The following TRPM3 variants were observed in gnomAD, a reference collection of about 807,000 sequenced individuals.
TRPM3 encodes transient receptor potential cation channel subfamily M member 3.
TRPM3 carries 77 observed loss-of-function variants against 181.2 expected under a neutral mutation model. The observed-to-expected ratio is 0.42, with a 90% CI of 0.35 to 0.51. The LOEUF is 0.51. TRPM3 is among the 20% of genes least tolerant of loss of function. TRPM3 has a pLI of 0.01. For missense variants in TRPM3, 1,759 were observed against 2,196.7 expected (o/e 0.80, Z 3.98); for synonymous variants, 745 against 796.4 (o/e 0.94, Z 1.09).
At chr9:71,092,883 G>A (rs1462196615) in intron 1 of TRPM3, among the ~76,000 whole-genome samples, 1 of 152,024 alleles carries the variant, frequency 6.6e-6, no homozygotes, top group Non-Finnish European at 1.5e-5. Context: ...GCATGGTACT[G>A]GTACCAAAAC....
At chr9:70,603,545 G>A in intron 19 of TRPM3, 75 bp from the exon 20 acceptor site, 2 of 1,533,424 alleles carry the variant, frequency 1.3e-6, no homozygotes, top group Non-Finnish European at 1.8e-6. Flanking sequence ...CCACTGCACA[G>A]CAGCACAGAG....
intron 1 of TRPM3, among the ~76,000 whole-genome samples, chr9:70,975,471 C>G (rs2097293729): frequency 6.6e-6 from 1 of 152,168 alleles, no homozygotes; most frequent in Admixed American, 6.5e-5. Context: ...ATATTTTATT[C>G]ATATCAGTAG....
At chr9:71,300,273 T>C (rs542562137) in intron 1 of TRPM3, among the ~76,000 whole-genome samples, 1 of 152,204 alleles carries the variant, frequency 6.6e-6, no homozygotes, top group African/African-American at 2.4e-5. Flanking sequence ...TCAAAATGCA[T>C]GAATCTGCAA....
intron 6 of TRPM3, among the ~76,000 whole-genome samples, chr9:70,811,676 C>A (rs949481748): frequency 5.9e-5 from 9 of 152,096 alleles, no homozygotes; most frequent in African/African-American, 2.2e-4. Flanking sequence ...GAATTGAATT[C>A]TTTCCTTCCC....
intron 1 of TRPM3, among the ~76,000 whole-genome samples, chr9:70,871,305 C>T (rs2095785820): frequency 6.6e-6 from 1 of 151,986 alleles, no homozygotes. Context: ...TCCTTCTTCA[C>T]TAGATACTAC....
chr9:70,569,132 T>C (rs910420420), intron 22 of TRPM3, among the ~76,000 whole-genome samples: 6 of 152,202 alleles, frequency 3.9e-5, no homozygotes, highest in East Asian at 1.9e-4. Context: ...ATCATTTATA[T>C]TGTGTTGGAT....
At chr9:70,560,803 G>A (rs192499412) in intron 22 of TRPM3, among the ~76,000 whole-genome samples, 1 of 152,216 alleles carries the variant, frequency 6.6e-6, no homozygotes, top group African/African-American at 2.4e-5. Flanking sequence ...CAGTTTAAAA[G>A]TTCAGAGGGT....
intron 3 of TRPM3, among the ~76,000 whole-genome samples, chr9:70,858,399 G>A (rs2095440215): frequency 6.6e-6 from 1 of 152,098 alleles, no homozygotes; most frequent in Middle Eastern, 3.2e-3. Context: ...AGGATAAGAG[G>A]TAAAGAAGGA....
rs568775907 is a variant in TRPM3, at chr9:71,306,797, CT to C, written c.183+139855del. ...ACTGAGGCAGGAGAATCGCTTGAAC[CT>C]GGGGGTGGAGATTGCAGTGAGCCGA... is the stretch of plus-strand genomic sequence containing the variant. On this transcript the variant is annotated intron_variant, in intron 1 of 24. Transcript: ENST00000357533. Among the ~76,000 whole-genome samples the C allele has an allele frequency of 2.0e-3, 299 of 152,294 alleles. 1 individual carries two copies. The highest frequency in any genetic ancestry group is 6.8e-3 in the African/African-American group (284 of 41,562).
intron 22 of TRPM3, among the ~76,000 whole-genome samples, chr9:70,558,280 C>A (rs368497574): frequency 6.6e-6 from 1 of 152,132 alleles, no homozygotes; most frequent in Non-Finnish European, 1.5e-5. Context: ...CCATGCGATT[C>A]TTTTTCTTAA....
At chr9:71,021,565 T>C (rs1306284780) in intron 1 of TRPM3, among the ~76,000 whole-genome samples, 1 of 152,236 alleles carries the variant, frequency 6.6e-6, no homozygotes, top group African/African-American at 2.4e-5. Flanking sequence ...TTTAAAAATC[T>C]AGTAATGTCT....
chr9:71,136,615 C>G (rs1439964658), intron 1 of TRPM3, among the ~76,000 whole-genome samples: 4 of 152,180 alleles, frequency 2.6e-5, no homozygotes, highest in Non-Finnish European at 4.4e-5. Context: ...TACTACAGAA[C>G]AGGGACCAGG....
In TRPM3 at chr9:71,121,469, C is replaced by T. The variant is rs1177643470; in HGVS notation, c.-115G>A. 4.8e-6 allele frequency: 7 copies of T among 1,452,638 alleles called. No individual in the cohort carries two copies. The highest frequency in any genetic ancestry group is 6.3e-6 in the Non-Finnish European group (7 of 1,106,854). The allele number at this position is 1,452,638 out of a possible 1,614,324, so 90.0% of individuals were successfully genotyped here. ...TGAACCTTCTTAAAACAGCCACCTC[C>T]CCTCTCTCTGCAGCCGTGCTCATGC... is the stretch of plus-strand genomic sequence containing the variant. On this transcript the variant is annotated 5_prime_UTR_variant, in exon 1 of 26. Transcript: ENST00000677713.
chr9:71,292,144 AT>A (rs2085866552), intron 1 of TRPM3, among the ~76,000 whole-genome samples: 1 of 152,058 alleles, frequency 6.6e-6, no homozygotes, highest in Non-Finnish European at 1.5e-5. Context: ...ATGAATAAAC[AT>A]TGAAAACCTG....
intron 6 of TRPM3, among the ~76,000 whole-genome samples, chr9:70,821,125 G>T (rs2093129506): frequency 6.9e-6 from 1 of 145,406 alleles, no homozygotes; most frequent in Admixed American, 6.6e-5. Flanking sequence ...TTTTTTGAAA[G>T]AATTGTTAAA....
chr9:70,582,959 T>C (rs1252261572), intron 22 of TRPM3, among the ~76,000 whole-genome samples: 1 of 152,224 alleles, frequency 6.6e-6, no homozygotes, highest in Admixed American at 6.5e-5. Context: ...ATTTTGGGTA[T>C]CCTGTTTTTA....
chr9:71,284,116 GT>G (rs5898193), intron 1 of TRPM3, among the ~76,000 whole-genome samples: 244 of 152,060 alleles, frequency 1.6e-3, no homozygotes, highest in African/African-American at 5.8e-3. Context: ...GCTTCAATGG[GT>G]TTTTTACCAG....
chr9:70,970,863 C>T (rs983086902), intron 1 of TRPM3, among the ~76,000 whole-genome samples: 1 of 152,124 alleles, frequency 6.6e-6, no homozygotes, highest in African/African-American at 2.4e-5. Context: ...AATGGCTTAT[C>T]ACCTATACAT....
At chr9:70,995,463 C>T (rs1590399783) in intron 1 of TRPM3, among the ~76,000 whole-genome samples, 1 of 152,106 alleles carries the variant, frequency 6.6e-6, no homozygotes, top group South Asian at 2.1e-4. Context: ...CAAACCCAAA[C>T]ACACTGGATC....
Sources: allele counts gnomAD v4.1 joint callset (sites outside exome capture counted in the v4.1 genomes callset), GRCh38; gene constraint gnomAD v4.1.1; transcripts MANE v1.5; gene names NCBI Gene and HGNC (gene_info 2026-07-23, HGNC 2026-07-21).